The following GALNT18 variants were observed in gnomAD, a reference collection of about 807,000 sequenced individuals.
GALNT18 encodes polypeptide N-acetylgalactosaminyltransferase 18, also known as GalNAc-transferase 18.
GALNT18 carries 44 observed loss-of-function variants against 69.5 expected under a neutral mutation model. The ratio of observed to expected loss-of-function variants is 0.63; its 90% CI spans 0.50 to 0.81. The LOEUF is 0.81. Among genes scored for constraint, GALNT18 ranks in the 40% least tolerant of loss-of-function variants. GALNT18 has a pLI of 0.00. For missense variants in GALNT18, 715 were observed against 810.0 expected (o/e 0.88, Z 1.42); for synonymous variants, 364 against 318.2 (o/e 1.14, Z -1.53).
rs1004731889 is a variant in GALNT18, at chr11:11,543,142, G to A, written c.235+78217C>T. 6.6e-6 allele frequency among the ~76,000 whole-genome samples: 1 copy of A among 152,214 alleles called. No homozygotes were observed. Among genetic ancestry groups the A allele is most frequent in the Non-Finnish European group, 1.5e-5 (1 of 68,040 alleles). On this transcript the variant is annotated intron_variant, in intron 1 of 10. Coordinates refer to ENST00000227756, the MANE Select transcript of GALNT18 (RefSeq NM_198516.3). This position sits in a 1 kb window ranked among gnomAD's most constrained non-coding sequence, Gnocchi z 5.1. ...TATTAAGAAGCCGATGCCTTCTCTG[G>A]TCTTTCTACCTCTGCCACTTAGGGA...
intron 1 of GALNT18, among the ~76,000 whole-genome samples, chr11:11,477,887 G>A (rs1237656654): frequency 1.3e-5 from 2 of 152,178 alleles, no homozygotes; most frequent in Non-Finnish European, 2.9e-5. Flanking sequence ...AGAGCATCAA[G>A]GAGAGGCTTT....
In GALNT18 at chr11:11,347,097, G is replaced by C. The variant is rs1181178356; in HGVS notation, c.1093-6093C>G. Among the ~76,000 whole-genome samples the C allele has an allele frequency of 6.6e-6, 1 of 152,070 alleles. No homozygotes were observed. The highest frequency in any genetic ancestry group is 1.5e-5 in the Non-Finnish European group (1 of 68,004). On this transcript the variant is annotated intron_variant, in intron 6 of 10. Coordinates refer to ENST00000227756, the MANE Select transcript of GALNT18 (RefSeq NM_198516.3). The surrounding 1 kb of genome is among the most constrained non-coding windows in gnomAD (Gnocchi z 4.0). ...CAAGGTCAGGGTTACATCTTGTATT[G>C]GCCACTCACACAAACAAGCCTCCTG...
intron 1 of GALNT18, among the ~76,000 whole-genome samples, chr11:11,479,397 T>C (rs1856474497): frequency 6.6e-6 from 1 of 152,160 alleles, no homozygotes; most frequent in Non-Finnish European, 1.5e-5. Context: ...CCTTATCGAC[T>C]ATAATAAGAA....
intron 1 of GALNT18, among the ~76,000 whole-genome samples, chr11:11,560,928 C>T (rs1384336843): frequency 6.6e-6 from 1 of 152,236 alleles, no homozygotes; most frequent in African/African-American, 2.4e-5. Context: ...TACTGCTTGG[C>T]TGCCCCAGGG....
intron 1 of GALNT18, among the ~76,000 whole-genome samples, chr11:11,476,995 C>A (rs7394981): frequency 0.68 from 103,129 of 152,148 alleles, 35,781 homozygotes; most frequent in Admixed American, 0.78. Flanking sequence ...GTCCACCCAT[C>A]CCCGAGGGAA....
chr11:11,427,638 AC>A (rs1564943637), intron 3 of GALNT18, among the ~76,000 whole-genome samples: 1 of 152,132 alleles, frequency 6.6e-6, no homozygotes, highest in East Asian at 1.9e-4. Flanking sequence ...GAGGTTAAGA[AC>A]ACACAGGTAG....
intron 1 of GALNT18, among the ~76,000 whole-genome samples, chr11:11,462,290 C>CT (rs1856061548): frequency 7.4e-6 from 1 of 135,264 alleles, no homozygotes; most frequent in African/African-American, 2.6e-5. Context: ...TTTTTTTTTT[C>CT]CTTTGCGATG....
chr11:11,491,234 A>G (rs373369420), intron 1 of GALNT18, among the ~76,000 whole-genome samples: 1 of 152,330 alleles, frequency 6.6e-6, no homozygotes, highest in East Asian at 1.9e-4. Flanking sequence ...GCTCTGTGGC[A>G]GCTGCTCACT....
Position 11,332,643 on chromosome 11 carries a change from G to T in GALNT18, c.1416+51C>A, listed in dbSNP as rs73417701. The T allele has an allele frequency of 5.4e-3, 8,715 of 1,601,518 alleles. 371 individuals carry two copies. The African/African-American group carries it at 0.1, about 18-fold the overall frequency. Reference sequence around the variant, plus strand: ...TCCCTCCTCTCCCTTTCTTCACTATGTTTCTTTCTGTCTGTGTCTGAATGA... The same window carrying T: ...TCCCTCCTCTCCCTTTCTTCACTATTTTTCTTTCTGTCTGTGTCTGAATGA... On this transcript the variant is annotated intron_variant, in intron 8 of 10. Coordinates refer to ENST00000227756, the MANE Select transcript of GALNT18 (RefSeq NM_198516.3). This position sits in a 1 kb window ranked among gnomAD's most constrained non-coding sequence, Gnocchi z 4.3.
In GALNT18 at chr11:11,613,770, T is replaced by C. The variant is rs542833920; in HGVS notation, c.235+7589A>G. On this transcript the variant is annotated intron_variant, in intron 1 of 10. Transcript: ENST00000227756. The surrounding 1 kb of genome is among the most constrained non-coding windows in gnomAD (Gnocchi z 4.2). Reference sequence around the variant, plus strand: ...CATAAACAGCATGGTCCACCATTCATTGATGGTGGCTTAGCCACCAGTGGA... The same window carrying C: ...CATAAACAGCATGGTCCACCATTCACTGATGGTGGCTTAGCCACCAGTGGA... Among the ~76,000 whole-genome samples, 148 of 152,328 alleles carry C rather than the reference T, an allele frequency of 9.7e-4. 2 individuals are homozygous for C. The highest frequency in any genetic ancestry group is 3.5e-3 in the South Asian group (17 of 4,820).
chr11:11,373,281 A>G (rs1286583495), intron 5 of GALNT18, among the ~76,000 whole-genome samples: 1 of 152,090 alleles, frequency 6.6e-6, no homozygotes, highest in East Asian at 1.9e-4. Flanking sequence ...CCAGGTGAAA[A>G]ATGATGGAGA....
intron 3 of GALNT18, among the ~76,000 whole-genome samples, chr11:11,380,243 C>A (rs1429154835): frequency 1.3e-5 from 2 of 152,190 alleles, no homozygotes; most frequent in African/African-American, 4.8e-5. Context: ...TCCAATGGGA[C>A]CTATTTTGGA....
At chr11:11,532,217 C>T (rs750763800) in intron 1 of GALNT18, among the ~76,000 whole-genome samples, 2 of 152,024 alleles carry the variant, frequency 1.3e-5, no homozygotes, top group Non-Finnish European at 2.9e-5. Flanking sequence ...AGGAAGGGAG[C>T]GGAGAGGAGA....
rs1191146241 is a variant in GALNT18, at chr11:11,584,572, C to T, written c.235+36787G>A. Among the ~76,000 whole-genome samples, 3 of 152,096 alleles carry T rather than the reference C, an allele frequency of 2.0e-5. No individual in the cohort carries two copies. The highest frequency in any genetic ancestry group is 4.8e-5 in the African/African-American group (2 of 41,416). On this transcript the variant is annotated intron_variant, in intron 1 of 10. Coordinates refer to ENST00000227756, the MANE Select transcript of GALNT18 (RefSeq NM_198516.3). The surrounding 1 kb of genome is among the most constrained non-coding windows in gnomAD (Gnocchi z 4.1). Reference sequence around the variant, plus strand: ...CTTCAGTGAAACACCCACAGAGAGCCGTTTGCCCCTTGAGATTCCTGAGGA... The same window carrying T: ...CTTCAGTGAAACACCCACAGAGAGCTGTTTGCCCCTTGAGATTCCTGAGGA...
rs1849727487 is a variant in GALNT18, at chr11:11,315,008, G to A, written c.1512+12078C>T. The stretch of plus-strand genomic sequence containing the variant: ...TTACATCAACTGACATACTGAAAGT[G>A]TCTAGCAGAGATGGACACATACTAA... On this transcript the variant is annotated intron_variant, in intron 9 of 10. Transcript: ENST00000227756. The surrounding 1 kb of genome is among the most constrained non-coding windows in gnomAD (Gnocchi z 5.6). Among the ~76,000 whole-genome samples, 1 of 151,798 alleles carries A rather than the reference G, an allele frequency of 6.6e-6. No homozygotes were observed. The highest frequency in any genetic ancestry group is 2.1e-4 in the South Asian group (1 of 4,788).
intron 1 of GALNT18, among the ~76,000 whole-genome samples, chr11:11,502,918 A>C (rs1321365308): frequency 6.6e-6 from 1 of 152,150 alleles, no homozygotes; most frequent in Non-Finnish European, 1.5e-5. Context: ...AAGCACAGTC[A>C]CTCATTTTCT....
chr11:11,491,621 T>A (rs1352206451), intron 1 of GALNT18, among the ~76,000 whole-genome samples: 2 of 152,232 alleles, frequency 1.3e-5, no homozygotes, highest in African/African-American at 4.8e-5. Flanking sequence ...CCGTTGATAA[T>A]CCCTATGCTT....
intron 7 of GALNT18, among the ~76,000 whole-genome samples, chr11:11,334,736 T>C (rs1850080683): frequency 6.6e-6 from 1 of 152,180 alleles, no homozygotes; most frequent in Non-Finnish European, 1.5e-5. Context: ...TGCACACTCC[T>C]GCCCAGAGCC....
Position 11,372,507 on chromosome 11 carries a change from C to A in GALNT18, c.1092+8G>T. The A allele has an allele frequency of 1.2e-6, 2 of 1,606,818 alleles. No individual in the cohort carries two copies. The highest frequency in any genetic ancestry group is 2.2e-5 in the South Asian group (2 of 90,942). ...AGCCGAGCAGTTTGAGTGAGAAACC[C>A]CACTCACCCTGATCCCAAGCTCCAC... On this transcript the variant is annotated splice_region_variant and intron_variant, in intron 6 of 10. Coordinates refer to ENST00000227756, the MANE Select transcript of GALNT18 (RefSeq NM_198516.3). This position sits in a 1 kb window ranked among gnomAD's most constrained non-coding sequence, Gnocchi z 4.9.
Sources: allele counts gnomAD v4.1 joint callset (sites outside exome capture counted in the v4.1 genomes callset), GRCh38; gene constraint gnomAD v4.1.1; non-coding constraint Gnocchi (gnomAD v3.1); transcripts MANE v1.5; gene names NCBI Gene and HGNC (gene_info 2026-07-23, HGNC 2026-07-21).